Variants in GRM7 observed in about 807,000 individuals in gnomAD.
The protein encoded by GRM7 is glutamate metabotropic receptor 7.
GRM7 carries 35 observed loss-of-function variants against 84.5 expected under a neutral mutation model. The ratio of observed to expected loss-of-function variants is 0.41; its 90% CI spans 0.32 to 0.55. The LOEUF is 0.55. Among genes scored for constraint, GRM7 ranks in the 20% least tolerant of loss-of-function variants. The probability of loss-of-function intolerance (pLI) is 0.19; values close to 1 mark genes in which losing one functional copy is unlikely to be tolerated. For synonymous variants in GRM7, 487 were observed against 455.1 expected (o/e 1.07, Z -0.89); for missense variants, 1,003 against 1,194.6 (o/e 0.84, Z 2.36).
chr3:7,238,401 C>G (rs958657234), intron 2 of GRM7, among the ~76,000 whole-genome samples: 1 of 152,110 alleles, frequency 6.6e-6, no homozygotes, highest in Non-Finnish European at 1.5e-5. Context: ...TCAGAGAAGG[C>G]TTCTCTGTTC....
At chr3:7,431,113 A>G (rs1696812171) in intron 5 of GRM7, among the ~76,000 whole-genome samples, 1 of 152,146 alleles carries the variant, frequency 6.6e-6, no homozygotes, top group Non-Finnish European at 1.5e-5. Flanking sequence ...TCATGAAACT[A>G]TGTCGGGCTA....
chr3:6,902,222 CA>C (rs769588094), intron 1 of GRM7, among the ~76,000 whole-genome samples: 26 of 152,282 alleles, frequency 1.7e-4, no homozygotes, highest in Middle Eastern at 3.4e-3. Context: ...TGTATTACTT[CA>C]GGTCCACAGA....
intron 2 of GRM7, among the ~76,000 whole-genome samples, chr3:7,297,268 G>C (rs1468678192): frequency 6.6e-6 from 1 of 152,054 alleles, no homozygotes; most frequent in African/African-American, 2.4e-5. Flanking sequence ...TTATTTGGTA[G>C]TGTGTTGTTT....
intron 2 of GRM7, among the ~76,000 whole-genome samples, chr3:7,255,943 C>T (rs1331344606): frequency 6.6e-6 from 1 of 152,180 alleles, no homozygotes; most frequent in Non-Finnish European, 1.5e-5. Flanking sequence ...CCACTCTCTG[C>T]TTAAATTGCT....
At chr3:7,291,701 A>G (rs1269131361) in intron 2 of GRM7, among the ~76,000 whole-genome samples, 1 of 152,064 alleles carries the variant, frequency 6.6e-6, no homozygotes, top group African/African-American at 2.4e-5. Context: ...ACCCCTTTTG[A>G]CTGTGATCAG....
chr3:7,672,271 A>C (rs564209392), intron 8 of GRM7, among the ~76,000 whole-genome samples: 1 of 152,292 alleles, frequency 6.6e-6, no homozygotes, highest in South Asian at 2.1e-4. Context: ...GAGCACTCCA[A>C]TTAGGAAGCA....
chr3:7,031,009 T>C (rs994966042), intron 1 of GRM7, among the ~76,000 whole-genome samples: 1 of 152,204 alleles, frequency 6.6e-6, no homozygotes, highest in South Asian at 2.1e-4. Flanking sequence ...TGAAAAAATA[T>C]GTTTGTAGCA....
intron 1 of GRM7, among the ~76,000 whole-genome samples, chr3:6,970,032 C>T (rs913506313): frequency 2.0e-5 from 3 of 152,224 alleles, no homozygotes; most frequent in East Asian, 1.9e-4. Flanking sequence ...TAACCCCACA[C>T]ACCACCCGAC....
At chr3:7,387,374 C>A (rs1169003979) in intron 4 of GRM7, among the ~76,000 whole-genome samples, 1 of 152,106 alleles carries the variant, frequency 6.6e-6, no homozygotes, top group Non-Finnish European at 1.5e-5. Flanking sequence ...TAGGCCAATG[C>A]CTAGAAGAGT....
intron 1 of GRM7, among the ~76,000 whole-genome samples, chr3:7,081,408 T>C (rs1345204770): frequency 6.6e-6 from 1 of 152,098 alleles, no homozygotes; most frequent in Admixed American, 6.6e-5. Flanking sequence ...CCACAAACAG[T>C]CTCCGTGTAA....
At chr3:6,879,693 G>A (rs1486960792) in intron 1 of GRM7, among the ~76,000 whole-genome samples, 1 of 152,188 alleles carries the variant, frequency 6.6e-6, no homozygotes, top group Non-Finnish European at 1.5e-5. Flanking sequence ...GTCTAGAATA[G>A]GAGGATAACT....
intron 1 of GRM7, among the ~76,000 whole-genome samples, chr3:6,984,878 T>C (rs1694349358): frequency 6.6e-6 from 1 of 152,204 alleles, no homozygotes; most frequent in Non-Finnish European, 1.5e-5. Context: ...GGCTGCTGAC[T>C]TAATGTATTA....
chr3:7,686,784 A>T (rs1192577796), intron 9 of GRM7, among the ~76,000 whole-genome samples: 2 of 152,304 alleles, frequency 1.3e-5, no homozygotes, highest in Admixed American at 1.3e-4. Context: ...TTCTCAATGT[A>T]TGTTTTCCTA....
At chr3:7,514,097 A>G (rs112930346) in intron 7 of GRM7, among the ~76,000 whole-genome samples, 428 of 152,354 alleles carry the variant, frequency 2.8e-3, no homozygotes, top group Middle Eastern at 6.8e-3. Flanking sequence ...TATTGAGTCA[A>G]TGAGAATGAA....
intron 1 of GRM7, among the ~76,000 whole-genome samples, chr3:7,050,837 A>G (rs1696969565): frequency 6.6e-6 from 1 of 151,878 alleles, no homozygotes; most frequent in Non-Finnish European, 1.5e-5. Flanking sequence ...CCTATAAATT[A>G]TTCCTCCTTT....
At chr3:7,622,926 C>T (rs954193377) in intron 8 of GRM7, among the ~76,000 whole-genome samples, 1 of 151,978 alleles carries the variant, frequency 6.6e-6, no homozygotes, top group East Asian at 1.9e-4. Flanking sequence ...GAAGGAGGTT[C>T]CAGGGGAAAG....
chr3:7,541,239 T>C (rs890394341), intron 7 of GRM7, among the ~76,000 whole-genome samples: 5 of 152,144 alleles, frequency 3.3e-5, no homozygotes, highest in African/African-American at 1.2e-4. Flanking sequence ...GCTATTTTTC[T>C]TAGTCAAAAT....
chr3:7,052,715 C>T (rs1355485479), intron 1 of GRM7, among the ~76,000 whole-genome samples: 2 of 110,240 alleles, frequency 1.8e-5, no homozygotes, highest in African/African-American at 5.1e-5. Context: ...TTGCAAGTAT[C>T]GGTAGTTTTT....
chr3:7,174,185 A>T (rs539332456), intron 2 of GRM7, among the ~76,000 whole-genome samples: 2 of 152,134 alleles, frequency 1.3e-5, no homozygotes, highest in Admixed American at 6.5e-5. Context: ...TGATGGAAAA[A>T]CACAATGTTT....
Sources: gnomAD v4.1 joint callset for allele counts (sites outside exome capture counted in the v4.1 genomes callset) on GRCh38, gnomAD v4.1.1 for gene constraint, MANE v1.5 for transcripts, NCBI Gene and HGNC (gene_info 2026-07-23, HGNC 2026-07-21) for gene names.